Variants in GRM8 observed in about 807,000 individuals in gnomAD.
The protein encoded by GRM8 is metabotropic glutamate receptor 8.
Under a neutral mutation model 87.2 loss-of-function variants are expected in GRM8, and 47 were observed. That is an observed-to-expected ratio of 0.54 (90% CI 0.43 to 0.69). GRM8 has a LOEUF of 0.69. Among genes scored for constraint, GRM8 ranks in the 30% least tolerant of loss-of-function variants. The pLI, the probability that GRM8 is intolerant of heterozygous loss-of-function variation, is 0.00. For missense variants in GRM8, 1,019 were observed against 1,139.2 expected (o/e 0.89, Z 1.52); for synonymous variants, 396 against 404.5 (o/e 0.98, Z 0.25).
intron 3 of GRM8, among the ~76,000 whole-genome samples, chr7:127,056,208 C>A (rs954314314): frequency 6.6e-6 from 1 of 152,130 alleles, no homozygotes; most frequent in Non-Finnish European, 1.5e-5. Context: ...GGCCATAGAT[C>A]ATTCCCAGCC....
chr7:127,035,058 A>C (rs946564254), intron 3 of GRM8, among the ~76,000 whole-genome samples: 1 of 152,242 alleles, frequency 6.6e-6, no homozygotes, highest in African/African-American at 2.4e-5. Context: ...CAGCCTTCAA[A>C]AAGAGATTTC....
intron 9 of GRM8, among the ~76,000 whole-genome samples, chr7:126,455,072 A>G (rs1225471549): frequency 6.6e-6 from 1 of 151,750 alleles, no homozygotes; most frequent in Non-Finnish European, 1.5e-5. Flanking sequence ...GATACTGTAC[A>G]ATAACTACAA....
At chr7:126,640,067 G>A (rs898456778) in intron 7 of GRM8, among the ~76,000 whole-genome samples, 2 of 152,104 alleles carry the variant, frequency 1.3e-5, no homozygotes, top group African/African-American at 4.8e-5. Context: ...ACCATAATAG[G>A]GCAATCGAAG....
intron 9 of GRM8, among the ~76,000 whole-genome samples, chr7:126,479,565 G>T (rs1806414947): frequency 6.6e-6 from 1 of 151,896 alleles, no homozygotes; most frequent in Admixed American, 6.6e-5. Context: ...AATTTCTTTT[G>T]GTTGCCAAAT....
At chr7:127,105,190 A>G (rs1453062368) in intron 3 of GRM8, 1 of 152,222 alleles carries the variant, frequency 6.6e-6, no homozygotes, top group African/African-American at 2.4e-5. Flanking sequence ...AGAAGATAAT[A>G]TAATTTGTCA....
Position 127,252,834 on chromosome 7 carries a change from G to A in GRM8, c.-349C>T, listed in dbSNP as rs1042115194. On this transcript the variant is annotated 5_prime_UTR_variant, in exon 1 of 11. Coordinates refer to ENST00000339582, the MANE Select transcript of GRM8 (RefSeq NM_000845.3). The surrounding 1 kb of genome is among the most constrained non-coding windows in gnomAD (Gnocchi z 4.9). The stretch of plus-strand genomic sequence containing the variant: ...AGAGGGCGCGGTGAGGAAGCCCGCC[G>A]GGGGCCCGCAGCTCCATGTCAGCGC... The A allele has an allele frequency of 2.9e-5, 6 of 208,646 alleles. No individual in the cohort carries two copies. Among genetic ancestry groups the A allele is most frequent in the Non-Finnish European group, 5.5e-5 (6 of 108,424 alleles). The allele number at this position is 208,646 out of a possible 1,614,324, so 12.9% of individuals were successfully genotyped here.
At chr7:127,014,432 T>C (rs1260494817) in intron 3 of GRM8, among the ~76,000 whole-genome samples, 1 of 152,112 alleles carries the variant, frequency 6.6e-6, no homozygotes, top group East Asian at 1.9e-4. Context: ...TCATCATGAC[T>C]TAGTAGGTTA....
chr7:126,651,119 G>C (rs1249494880), intron 7 of GRM8, among the ~76,000 whole-genome samples: 1 of 152,080 alleles, frequency 6.6e-6, no homozygotes, highest in Non-Finnish European at 1.5e-5. Flanking sequence ...TGCCTGTCCT[G>C]CACACAATGC....
At chr7:127,167,191 T>C (rs982377316) in intron 2 of GRM8, among the ~76,000 whole-genome samples, 3 of 152,158 alleles carry the variant, frequency 2.0e-5, no homozygotes, top group Non-Finnish European at 4.4e-5. Flanking sequence ...AAACACTTTA[T>C]ACAAGTAATA....
Position 126,687,280 on chromosome 7 carries a change from T to C in GRM8, c.1358-77782A>G, listed in dbSNP as rs543104503. The stretch of plus-strand genomic sequence containing the variant: ...AAATCATTTTCACCTAACAGTGTAT[T>C]CCTAAACCTTTTAGTTTAGTTTTTG... On this transcript the variant is annotated intron_variant, in intron 7 of 10. Coordinates refer to ENST00000339582, the MANE Select transcript of GRM8 (RefSeq NM_000845.3). 4.6e-5 allele frequency among the ~76,000 whole-genome samples: 7 copies of C among 152,358 alleles called. No homozygotes were observed. The East Asian group carries it at 7.7e-4, about 17-fold the overall frequency.
chr7:127,128,024 C>A (rs17867217), intron 2 of GRM8, among the ~76,000 whole-genome samples: 1,973 of 152,196 alleles, frequency 0.013, 34 homozygotes, highest in African/African-American at 0.044. Flanking sequence ...CCCATTAGCT[C>A]TTACTCACAT....
chr7:126,947,804 C>T (rs1807707841), intron 3 of GRM8, among the ~76,000 whole-genome samples: 2 of 152,098 alleles, frequency 1.3e-5, no homozygotes, highest in Non-Finnish European at 1.5e-5. Context: ...AAGATTTTAG[C>T]CAGAAGCAAG....
chr7:126,781,916 A>G (rs1585909009), intron 6 of GRM8, among the ~76,000 whole-genome samples: 1 of 152,082 alleles, frequency 6.6e-6, no homozygotes, highest in African/African-American at 2.4e-5. Context: ...GGGTCTCCTC[A>G]TATTTCCCAG....
At chr7:127,006,333 C>T (rs962020910) in intron 3 of GRM8, among the ~76,000 whole-genome samples, 3 of 151,908 alleles carry the variant, frequency 2.0e-5, no homozygotes, top group African/African-American at 7.2e-5. Context: ...GGATCATTTC[C>T]ATTTGCATGT....
intron 9 of GRM8, among the ~76,000 whole-genome samples, chr7:126,481,850 T>A (rs1197703887): frequency 6.6e-6 from 1 of 152,122 alleles, no homozygotes; most frequent in Non-Finnish European, 1.5e-5. Flanking sequence ...TTATATGCAA[T>A]GTTCATATTA....
intron 7 of GRM8, among the ~76,000 whole-genome samples, chr7:126,662,248 A>AT (rs1455249144): frequency 1.3e-5 from 2 of 152,178 alleles, no homozygotes; most frequent in African/African-American, 4.8e-5. Flanking sequence ...AAAAACTGCA[A>AT]TTTTTCAAAT....
intron 8 of GRM8, among the ~76,000 whole-genome samples, chr7:126,554,485 C>T (rs1405667899): frequency 1.3e-5 from 2 of 151,794 alleles, no homozygotes; most frequent in African/African-American, 4.8e-5. Context: ...TCCAGCTACT[C>T]AGGAAGCTGA....
chr7:126,601,303 C>A (rs180853994), intron 8 of GRM8, among the ~76,000 whole-genome samples: 1 of 151,968 alleles, frequency 6.6e-6, no homozygotes, highest in African/African-American at 2.4e-5. Flanking sequence ...GGTGTATATG[C>A]GCCATATTTT....
intron 7 of GRM8, among the ~76,000 whole-genome samples, chr7:126,618,099 A>C (rs4601254): frequency 0.19 from 28,484 of 152,192 alleles, 2,732 homozygotes; most frequent in South Asian, 0.22. Context: ...ACAAAGCTGG[A>C]GGCATCACGC....
Sources: gnomAD v4.1 joint callset for allele counts (sites outside exome capture counted in the v4.1 genomes callset) on GRCh38, gnomAD v4.1.1 for gene constraint, Gnocchi (gnomAD v3.1) non-coding constraint, MANE v1.5 for transcripts, NCBI Gene and HGNC (gene_info 2026-07-23, HGNC 2026-07-21) for gene names.